Variants in ANKFN1 observed in about 807,000 individuals in gnomAD.
The protein encoded by ANKFN1 is ankyrin repeat and fibronectin type-III domain-containing protein 1.
Under a neutral mutation model 108.7 loss-of-function variants are expected in ANKFN1, and 74 were observed. That is an observed-to-expected ratio of 0.68 (90% CI 0.56 to 0.83). The LOEUF is 0.83. Ranked by LOEUF, ANKFN1 falls within the 40% of genes least tolerant of loss-of-function variation. The pLI is 0.00. For missense variants in ANKFN1, 1,505 were observed against 1,382.3 expected, an observed-to-expected ratio of 1.09 and a Z score of -1.41; for synonymous variants, 547 against 516.2, an observed-to-expected ratio of 1.06 and a Z score of -0.81.
chr17:56,341,612 T>G lies in ANKFN1; in HGVS notation c.189-9154T>G, dbSNP rs1022117596. Reference sequence around the variant, plus strand: ...TCTTTATGTGATGAATCACATTTATTGATTTGCATATGTTGAACCAACTTT... The same window carrying G: ...TCTTTATGTGATGAATCACATTTATGGATTTGCATATGTTGAACCAACTTT... On this transcript the variant is annotated intron_variant, in intron 4 of 20. Transcript: ENST00000682825. Among the ~76,000 whole-genome samples the G allele has an allele frequency of 5.9e-5, 9 of 152,160 alleles. No homozygotes were observed. In the South Asian group the frequency reaches 1.9e-3, roughly 31 times the overall value.
intron 3 of ANKFN1, among the ~76,000 whole-genome samples, chr17:56,238,501 T>C (rs976008130): frequency 1.4e-4 from 22 of 152,222 alleles, no homozygotes; most frequent in Admixed American, 1.4e-3. Flanking sequence ...TAGTTAGACC[T>C]TCTTATTGAA....
intron 4 of ANKFN1, among the ~76,000 whole-genome samples, chr17:56,074,329 C>T (rs1159771547): frequency 6.6e-6 from 1 of 152,158 alleles, no homozygotes; most frequent in South Asian, 2.1e-4. Context: ...ATTAATGGTT[C>T]CTGTTGAATG....
chr17:56,341,045 A>G (rs932761545), intron 4 of ANKFN1, among the ~76,000 whole-genome samples: 1 of 151,860 alleles, frequency 6.6e-6, no homozygotes, highest in East Asian at 1.9e-4. Flanking sequence ...ATTCCTAGGT[A>G]TTTTATTCTT....
At chr17:56,129,313 A>G (rs1446782534) in intron 4 of ANKFN1, among the ~76,000 whole-genome samples, 1 of 152,166 alleles carries the variant, frequency 6.6e-6, no homozygotes, top group Non-Finnish European at 1.5e-5. Context: ...TGCAGCACCC[A>G]AAACACTTCT....
At chr17:56,373,265 A>G (rs541982458) in intron 7 of ANKFN1, among the ~76,000 whole-genome samples, 26 of 152,208 alleles carry the variant, frequency 1.7e-4, no homozygotes, top group Non-Finnish European at 3.4e-4. Flanking sequence ...GCATTTTTTT[A>G]TATAGAGCTA....
chr17:56,147,468 C>T (rs1268684402), intron 4 of ANKFN1, among the ~76,000 whole-genome samples: 1 of 152,194 alleles, frequency 6.6e-6, no homozygotes, highest in Admixed American at 6.5e-5. Context: ...AACTTACAAT[C>T]ATGGTGGAAG....
chr17:56,260,759 G>T (rs2043489890), intron 3 of ANKFN1, among the ~76,000 whole-genome samples: 1 of 152,164 alleles, frequency 6.6e-6, no homozygotes, highest in Non-Finnish European at 1.5e-5. Context: ...AAGCATGGCT[G>T]TTTGGGTGAT....
intron 17 of ANKFN1, among the ~76,000 whole-genome samples, chr17:56,482,134 A>G (rs191873731): frequency 2.9e-3 from 445 of 152,312 alleles, no homozygotes; most frequent in Admixed American, 5.9e-3. Flanking sequence ...TTTTATAAGA[A>G]GCATAAATGT....
intron 18 of ANKFN1, among the ~76,000 whole-genome samples, chr17:56,490,592 C>T (rs2051003145): frequency 1.3e-5 from 2 of 152,028 alleles, no homozygotes; most frequent in Non-Finnish European, 2.9e-5. Flanking sequence ...CCAGAGGGAG[C>T]TCTGTAGAAG....
chr17:56,332,394 G>T (rs1259772136), intron 4 of ANKFN1, among the ~76,000 whole-genome samples: 5 of 151,922 alleles, frequency 3.3e-5, no homozygotes, highest in African/African-American at 9.7e-5. Context: ...CCTATGTTTT[G>T]TTCTAAACAT....
chr17:56,434,921 G>C (rs1314593963), intron 8 of ANKFN1, among the ~76,000 whole-genome samples: 3 of 152,124 alleles, frequency 2.0e-5, no homozygotes, highest in African/African-American at 4.8e-5. Context: ...CATTAGCTAA[G>C]GCGCCAGGGT....
In ANKFN1 at chr17:56,423,103, A is replaced by C. The variant is rs372076810; in HGVS notation, c.911-17224A>C. 2.2e-4 allele frequency among the ~76,000 whole-genome samples: 34 copies of C among 152,336 alleles called. No individual in the cohort carries two copies. The East Asian group carries it at 6.2e-3, about 28-fold the overall frequency. On this transcript the variant is annotated intron_variant, in intron 8 of 20. Coordinates refer to ENST00000682825, the MANE Select transcript of ANKFN1 (RefSeq NM_001370326.1). ...CTAAATTGAAGTTTAAAAAAAGTGT[A>C]GATATGTCACTATTCTCATGTAGGG...
chr17:56,087,725 A>T (rs1261986434), intron 4 of ANKFN1, among the ~76,000 whole-genome samples: 1 of 151,440 alleles, frequency 6.6e-6, no homozygotes, highest in Non-Finnish European at 1.5e-5. Flanking sequence ...GATCAAGACT[A>T]GACAACTGCC....
At chr17:56,426,283 C>A (rs759896802) in intron 8 of ANKFN1, among the ~76,000 whole-genome samples, 1 of 152,238 alleles carries the variant, frequency 6.6e-6, no homozygotes, top group Non-Finnish European at 1.5e-5. Context: ...CTCCTCCCCA[C>A]AGTCAGTGAC....
chr17:56,160,848 G>A (rs558275678), intron 1 of ANKFN1, among the ~76,000 whole-genome samples: 6 of 152,310 alleles, frequency 3.9e-5, no homozygotes, highest in South Asian at 2.1e-4. Context: ...CCTTAGAGGT[G>A]AAGAAGGAAT....
At chr17:56,467,788 AAAG>A (rs551433770) in intron 15 of ANKFN1, among the ~76,000 whole-genome samples, 7,963 of 99,098 alleles carry the variant, frequency 0.08, 548 homozygotes, top group African/African-American at 0.23. Context: ...AGAAAGAAAG[AAAG>A]AAGAAAGAAA....
chr17:56,304,498 G>A (rs1380219940), intron 3 of ANKFN1, among the ~76,000 whole-genome samples: 2 of 152,036 alleles, frequency 1.3e-5, no homozygotes, highest in African/African-American at 4.8e-5. Context: ...ATTTCTCTGG[G>A]ATAAATGCCT....
chr17:56,092,802 C>T (rs116204890), intron 4 of ANKFN1, among the ~76,000 whole-genome samples: 1,925 of 150,824 alleles, frequency 0.013, 95 homozygotes, highest in African/African-American at 0.045. Context: ...TTCAAGTGGT[C>T]GTAGGACTGA....
intron 4 of ANKFN1, among the ~76,000 whole-genome samples, chr17:56,135,718 T>C (rs1325642499): frequency 6.6e-6 from 1 of 152,186 alleles, no homozygotes; most frequent in South Asian, 2.1e-4. Flanking sequence ...GTGTTTCTCT[T>C]CCTCTGAAGT....
Sources: gnomAD v4.1 joint callset for allele counts (sites outside exome capture counted in the v4.1 genomes callset) on GRCh38, gnomAD v4.1.1 for gene constraint, MANE v1.5 for transcripts, NCBI Gene and HGNC (gene_info 2026-07-23, HGNC 2026-07-21) for gene names.